Variants in CFAP20DC observed in about 807,000 individuals in gnomAD.
CFAP20DC encodes the protein protein CFAP20DC.
In CFAP20DC, 84 loss-of-function variants were observed where a neutral mutation model predicts 101.7. The observed-to-expected ratio is 0.83, with a 90% confidence interval of 0.69 to 0.99. The LOEUF is 0.99. CFAP20DC is among the 50% of genes least tolerant of loss of function. The pLI is 0.00. For missense variants in CFAP20DC, 1,007 were observed against 970.3 expected (o/e 1.04, Z -0.50); for synonymous variants, 359 against 351.2 (o/e 1.02, Z -0.25).
intron 5 of CFAP20DC, chr3:58,915,020 G>C (rs2084532087): frequency 6.6e-6 from 1 of 152,188 alleles, no homozygotes; most frequent in Non-Finnish European, 1.5e-5. Context: ...AGATGGCCCA[G>C]TGAGGCCAGG....
In CFAP20DC at chr3:58,843,262, T is replaced by G. The variant is rs569741834; in HGVS notation, c.1971+5770A>C. Reference sequence around the variant, plus strand: ...CCAAAGGCAAAGAAGTTAAAAACTTTGAAAAAAATTTAGAAGAATGTATAA... The same window carrying G: ...CCAAAGGCAAAGAAGTTAAAAACTTGGAAAAAAATTTAGAAGAATGTATAA... On this transcript the variant is annotated intron_variant, in intron 13 of 16. Coordinates refer to ENST00000482387, the MANE Select transcript of CFAP20DC (RefSeq NM_001394063.1). Among the ~76,000 whole-genome samples, 24 of 151,982 alleles carry G rather than the reference T, an allele frequency of 1.6e-4. No individual in the cohort carries two copies. The South Asian group carries it at 4.8e-3, about 30-fold the overall frequency.
intron 4 of CFAP20DC, among the ~76,000 whole-genome samples, chr3:59,030,010 G>A (rs192181924): frequency 1.4e-4 from 21 of 152,198 alleles, no homozygotes; most frequent in African/African-American, 4.6e-4. Flanking sequence ...GGGAGACATA[G>A]AAAGATGCTG....
Position 58,913,825 on chromosome 3 carries a change from C to A in CFAP20DC, c.433G>T (p.Glu145Ter). Residue 145 changes from glutamate to a stop codon, truncating the protein, a stop_gained, in exon 6 of 17, where the codon GAA becomes TAA. Transcript: ENST00000482387. LOFTEE classifies it high-confidence loss of function. The surrounding 1 kb of genome is among the most constrained non-coding windows in gnomAD (Gnocchi z 4.4). ...TGGAAAACTGCCCCCTTGAATATTT[C>A]ACTGGTGAATGCTACTAAGTCAATG... is the stretch of plus-strand genomic sequence containing the variant. Reference protein sequence around the residue: ...LCIDLVAFTSEIFKGAVFQSL... With the variant: ...LCIDLVAFTS 6.2e-7 allele frequency: 1 copy of A among 1,613,648 alleles called. No homozygotes were observed. The highest frequency in any genetic ancestry group is 8.5e-7 in the Non-Finnish European group (1 of 1,179,770).
At chr3:58,902,800 C>T (rs1354215247) in intron 6 of CFAP20DC, among the ~76,000 whole-genome samples, 2 of 152,092 alleles carry the variant, frequency 1.3e-5, no homozygotes, top group African/African-American at 4.8e-5. Flanking sequence ...TACCTTAAAT[C>T]ATCTCTATAT....
intron 15 of CFAP20DC, among the ~76,000 whole-genome samples, chr3:58,757,946 A>G (rs2069118570): frequency 6.6e-6 from 1 of 152,152 alleles, no homozygotes. Context: ...ACTTTGGGCT[A>G]AACAAAATCA....
chr3:58,924,197 A>G (rs183564152), intron 5 of CFAP20DC, among the ~76,000 whole-genome samples: 10 of 152,162 alleles, frequency 6.6e-5, no homozygotes, highest in African/African-American at 2.2e-4. Flanking sequence ...AAACATTGCA[A>G]CCAATAGGTA....
At chr3:58,997,996 C>T (rs1347658167) in intron 4 of CFAP20DC, among the ~76,000 whole-genome samples, 2 of 152,152 alleles carry the variant, frequency 1.3e-5, no homozygotes, top group Non-Finnish European at 2.9e-5. Context: ...GCTTCAGAGT[C>T]CACAGTCAGT....
chr3:58,991,426 T>C (rs1030317577), intron 4 of CFAP20DC, among the ~76,000 whole-genome samples: 2 of 152,202 alleles, frequency 1.3e-5, no homozygotes, highest in African/African-American at 2.4e-5. Flanking sequence ...TGAACCTCAA[T>C]ATGAATGAAT....
chr3:58,936,255 A>C (rs1231598660), intron 5 of CFAP20DC, among the ~76,000 whole-genome samples: 5 of 152,172 alleles, frequency 3.3e-5, no homozygotes, highest in East Asian at 1.9e-4. Flanking sequence ...AATGGCAATC[A>C]TTAAAAAGTC....
rs1466117510 is a variant in CFAP20DC at position 58,971,157 on chromosome 3, T to G, written c.279-33395A>C. Among the ~76,000 whole-genome samples the G allele has an allele frequency of 6.6e-6, 1 of 152,184 alleles. No individual in the cohort carries two copies. Among genetic ancestry groups the G allele is most frequent in the African/African-American group, 2.4e-5 (1 of 41,454 alleles). ...TGTTCCAGCTAATTGACTATTCTGT[T>G]GAGCCTAACAGTACCATCACAAACG... On this transcript the variant is annotated intron_variant, in intron 4 of 16. Transcript: ENST00000482387. The surrounding 1 kb of genome is among the most constrained non-coding windows in gnomAD (Gnocchi z 4.1).
chr3:58,797,103 C>T (rs1037062577), intron 15 of CFAP20DC, among the ~76,000 whole-genome samples: 1 of 152,120 alleles, frequency 6.6e-6, no homozygotes, highest in Non-Finnish European at 1.5e-5. Context: ...CTACAGTGGA[C>T]CCTGAGTGTT....
chr3:58,877,575 G>C (rs1438358481), intron 7 of CFAP20DC, among the ~76,000 whole-genome samples: 1 of 152,182 alleles, frequency 6.6e-6, no homozygotes, highest in African/African-American at 2.4e-5. Flanking sequence ...AATGTTTAGA[G>C]ATCTGTCCAT....
intron 6 of CFAP20DC, among the ~76,000 whole-genome samples, chr3:58,891,252 G>A (rs1459397646): frequency 1.1e-4 from 16 of 152,054 alleles, no homozygotes; most frequent in East Asian, 9.7e-4. Flanking sequence ...GCGAAACCCC[G>A]TCTCCACCAA....
At chr3:59,030,212 G>C (rs2109079184) in intron 4 of CFAP20DC, among the ~76,000 whole-genome samples, 1 of 152,242 alleles carries the variant, frequency 6.6e-6, no homozygotes, top group South Asian at 2.1e-4. Flanking sequence ...AAATAGCCTA[G>C]AGCTATGCTG....
intron 5 of CFAP20DC, among the ~76,000 whole-genome samples, chr3:58,915,413 T>C (rs1269624988): frequency 6.6e-6 from 1 of 152,142 alleles, no homozygotes. Flanking sequence ...ATTAGCATTA[T>C]TATTGTTGTA....
chr3:58,724,948 GT>G lies in CFAP20DC; in HGVS notation c.198-7321del, dbSNP rs1312324256. ...AGAGCTGAGCAACACTTTGATGGAG[GT>G]AGGGGAGCAGAGGTTCTGCTATTAT... On this transcript the variant is annotated intron_variant, in intron 3 of 3. Coordinates refer to the CFAP20DC transcript ENST00000486145. The surrounding 1 kb of genome is among the most constrained non-coding windows in gnomAD (Gnocchi z 5.6). 6.6e-6 allele frequency among the ~76,000 whole-genome samples: 1 copy of G among 152,176 alleles called. No individual in the cohort carries two copies. The highest frequency in any genetic ancestry group is 2.4e-5 in the African/African-American group (1 of 41,430).
At chr3:58,839,121 G>T (rs1449826316) in intron 13 of CFAP20DC, among the ~76,000 whole-genome samples, 2 of 152,222 alleles carry the variant, frequency 1.3e-5, no homozygotes, top group African/African-American at 2.4e-5. Context: ...GTTGAATAGA[G>T]TAATGACAGA....
chr3:58,933,428 G>C (rs918171832), intron 5 of CFAP20DC, among the ~76,000 whole-genome samples: 1 of 152,002 alleles, frequency 6.6e-6, no homozygotes, highest in African/African-American at 2.4e-5. Flanking sequence ...GGACCTAATA[G>C]ACATCTACAG....
At chr3:58,936,834 T>G (rs1039107978) in intron 5 of CFAP20DC, among the ~76,000 whole-genome samples, 9 of 151,944 alleles carry the variant, frequency 5.9e-5, no homozygotes, top group Non-Finnish European at 1.2e-4. Context: ...AATGACGAGT[T>G]ACTGGGTGCA....
Sources: gnomAD v4.1 joint callset for allele counts (sites outside exome capture counted in the v4.1 genomes callset) on GRCh38, gnomAD v4.1.1 for gene constraint, Gnocchi (gnomAD v3.1) non-coding constraint, MANE v1.5 for transcripts, NCBI Gene and HGNC (gene_info 2026-07-23, HGNC 2026-07-21) for gene names.